Variants in EDA observed in about 807,000 individuals in gnomAD.
EDA encodes the protein ectodysplasin A.
EDA carries 2 observed loss-of-function variants against 23.6 expected under a neutral mutation model. That is an observed-to-expected ratio of 0.08 (90% CI 0.03 to 0.27). EDA has a LOEUF of 0.27. Among genes scored for constraint, EDA ranks in the 10% least tolerant of loss-of-function variants. The pLI is 1.00. For missense variants in EDA, 229 were observed against 324.2 expected (o/e 0.71, Z 2.26); for synonymous variants, 131 against 132.0 (o/e 0.99, Z 0.05).
At chrX:69,833,766 T>C (rs756153450) in intron 1 of EDA, among the ~76,000 whole-genome samples, 2 of 111,503 alleles carry the variant, frequency 1.8e-5, no homozygotes, top group Admixed American at 1.9e-4. Context: ...TCTGGTTTAG[T>C]CTTGGGAAGG....
At chrX:69,791,018 CA>C (rs1213892794) in intron 1 of EDA, among the ~76,000 whole-genome samples, 1 of 111,649 alleles carries the variant, frequency 9.0e-6, no homozygotes, top group East Asian at 2.8e-4. Flanking sequence ...TAACTTATGA[CA>C]GGGAAGATAT....
chrX:70,033,542 T>C lies in EDA; in HGVS notation c.924+14T>C. The C allele has an allele frequency of 3.3e-6, 4 of 1,209,956 alleles. No homozygotes were observed. The highest frequency in any genetic ancestry group is 4.5e-6 in the Non-Finnish European group (4 of 894,819). On this transcript the variant is annotated intron_variant, in intron 7 of 7. Transcript: ENST00000374552. ...AGTCAGGTAGAAGTGAGTACGGTCT[T>C]AGGCCTAACTCTTCTTATATCCAGA...
intron 2 of EDA, among the ~76,000 whole-genome samples, chrX:70,017,126 T>C (rs889645982): frequency 9.0e-6 from 1 of 111,417 alleles, no homozygotes; most frequent in African/African-American, 3.3e-5. Context: ...GATAAATTCC[T>C]GGAAACATAC....
At chrX:69,641,775 C>T (rs943496) in intron 1 of EDA, among the ~76,000 whole-genome samples, 21,765 of 110,610 alleles carry the variant, frequency 0.2, 1,651 homozygotes, top group African/African-American at 0.24. Flanking sequence ...TATGTTAGGA[C>T]TCTCATGGGT....
At chrX:69,890,904 A>G (rs1049601135) in intron 1 of EDA, among the ~76,000 whole-genome samples, 1 of 111,976 alleles carries the variant, frequency 8.9e-6, no homozygotes, top group Non-Finnish European at 1.9e-5. Flanking sequence ...ACCTAATTAA[A>G]CTAAAGAGCT....
intron 1 of EDA, among the ~76,000 whole-genome samples, chrX:69,879,989 G>GA: frequency 8.9e-6 from 1 of 112,049 alleles, no homozygotes; most frequent in East Asian, 2.8e-4. Context: ...CTTAGCAAAG[G>GA]AAAAAAATCA....
In EDA at chrX:69,695,932, A is replaced by G. The variant is rs1184006600; in HGVS notation, c.396+79228A>G. On this transcript the variant is annotated intron_variant, in intron 1 of 7. Coordinates refer to ENST00000374552, the MANE Select transcript of EDA (RefSeq NM_001399.5). Reference sequence around the variant, plus strand: ...CAAAAAGGTAAAGAAAGAACTCTCAAAATTTCCTATTACGAGCAGATCAAA... The same window carrying G: ...CAAAAAGGTAAAGAAAGAACTCTCAGAATTTCCTATTACGAGCAGATCAAA... Among the ~76,000 whole-genome samples the G allele has an allele frequency of 7.2e-5, 8 of 111,103 alleles. No individual in the cohort carries two copies. The Admixed American group carries it at 7.7e-4, about 11-fold the overall frequency.
chrX:69,762,202 G>A (rs764783229), intron 1 of EDA, among the ~76,000 whole-genome samples: 203 of 111,639 alleles, frequency 1.8e-3, no homozygotes, highest in African/African-American at 5.9e-3. Flanking sequence ...TGAATTTTTC[G>A]TGAATAGTAG....
chrX:69,987,311 T>G (rs5936816), intron 2 of EDA, among the ~76,000 whole-genome samples: 2 of 101,712 alleles, frequency 2.0e-5, no homozygotes, highest in East Asian at 6.3e-4. Context: ...TTTTTTTTTT[T>G]AAAAATAAAT....
intron 6 of EDA, among the ~76,000 whole-genome samples, chrX:70,030,976 A>G: frequency 8.9e-6 from 1 of 112,811 alleles, no homozygotes; most frequent in Non-Finnish European, 1.9e-5. Flanking sequence ...TTAAGATGCT[A>G]GTGTCTATCA....
intron 1 of EDA, among the ~76,000 whole-genome samples, chrX:69,823,480 C>A (rs1175202991): frequency 1.2e-5 from 1 of 84,520 alleles, no homozygotes; most frequent in Admixed American, 1.3e-4. Flanking sequence ...TGTTTTTTGG[C>A]TGCATAAATG....
Position 69,839,175 on chromosome X carries a change from G to C in EDA, c.397-117852G>C, listed in dbSNP as rs771622196. Among the ~76,000 whole-genome samples, 3 of 112,086 alleles carry C rather than the reference G, an allele frequency of 2.7e-5. No homozygotes were observed. In the East Asian group the frequency reaches 8.4e-4, roughly 31 times the overall value. On this transcript the variant is annotated intron_variant, in intron 1 of 7. Coordinates refer to ENST00000374552, the MANE Select transcript of EDA (RefSeq NM_001399.5). ...AGGAAGAAAGTTACTTTTGTTTATA[G>C]AGATTAGGTCCAAATGGCTTCAACT... is the stretch of plus-strand genomic sequence containing the variant.
intron 1 of EDA, among the ~76,000 whole-genome samples, chrX:69,794,781 T>C (rs1056596290): frequency 9.0e-6 from 1 of 111,380 alleles, no homozygotes; most frequent in African/African-American, 3.3e-5. Flanking sequence ...TTGGATGGGA[T>C]GTTGAAAGAG....
At chrX:69,892,177 G>A (rs2017943607) in intron 1 of EDA, among the ~76,000 whole-genome samples, 1 of 111,975 alleles carries the variant, frequency 8.9e-6, no homozygotes, top group African/African-American at 3.2e-5. Flanking sequence ...ACAAATACCT[G>A]CAAATGTAAA....
intron 1 of EDA, among the ~76,000 whole-genome samples, chrX:69,802,057 A>G (rs999065643): frequency 5.4e-5 from 6 of 111,626 alleles, no homozygotes; most frequent in Middle Eastern, 4.7e-3. Context: ...GCACATGAAT[A>G]TATTTTTAAA....
At chrX:69,911,690 A>G (rs1198857976) in intron 1 of EDA, among the ~76,000 whole-genome samples, 1 of 112,377 alleles carries the variant, frequency 8.9e-6, no homozygotes, top group African/African-American at 3.2e-5. Flanking sequence ...TGTTTACATG[A>G]TACTATAGTC....
At chrX:70,010,334 CT>C (rs2019858815) in intron 2 of EDA, among the ~76,000 whole-genome samples, 1 of 112,450 alleles carries the variant, frequency 8.9e-6, no homozygotes, top group African/African-American at 3.2e-5. Flanking sequence ...GGAGTACTGA[CT>C]CTTTTTTATC....
chrX:69,711,204 G>A (rs752221377), intron 1 of EDA, among the ~76,000 whole-genome samples: 1 of 111,119 alleles, frequency 9.0e-6, no homozygotes, highest in African/African-American at 3.3e-5. Flanking sequence ...TAGCATGAAG[G>A]GTTGTTGAAT....
intron 1 of EDA, among the ~76,000 whole-genome samples, chrX:69,954,476 T>C (rs940721324): frequency 3.6e-5 from 4 of 111,542 alleles, no homozygotes; most frequent in Admixed American, 1.9e-4. Context: ...ATTGTAATAA[T>C]TAAAAAACCC....
Sources: allele counts gnomAD v4.1 joint callset (sites outside exome capture counted in the v4.1 genomes callset), GRCh38; gene constraint gnomAD v4.1.1; transcripts MANE v1.5; gene names NCBI Gene and HGNC (gene_info 2026-07-23, HGNC 2026-07-21).